NELL1: variants seen among roughly 807,000 people sequenced by gnomAD.
NELL1 encodes the protein protein kinase C-binding protein NELL1.
In NELL1, 76 loss-of-function variants were observed where a neutral mutation model predicts 107.4. That is an observed-to-expected ratio of 0.71 (90% CI 0.59 to 0.86). NELL1 has a LOEUF of 0.86. Ranked by LOEUF, NELL1 falls within the 40% of genes least tolerant of loss-of-function variation. NELL1 has a pLI of 0.00. For missense variants in NELL1, 1,024 were observed against 1,005.5 expected (o/e 1.02, Z -0.25); for synonymous variants, 353 against 341.2 (o/e 1.03, Z -0.38).
chr11:21,233,791 T>C (rs1458397793), intron 14 of NELL1, among the ~76,000 whole-genome samples: 1 of 152,234 alleles, frequency 6.6e-6, no homozygotes, highest in African/African-American at 2.4e-5. Context: ...CAGTTGTCAA[T>C]ATGCAGCTGA....
intron 3 of NELL1, among the ~76,000 whole-genome samples, chr11:20,791,430 C>A (rs1857070976): frequency 6.6e-6 from 1 of 152,218 alleles, no homozygotes; most frequent in Admixed American, 6.5e-5. Flanking sequence ...TTGCATCCTG[C>A]AACCTTGGTA....
intron 15 of NELL1, among the ~76,000 whole-genome samples, chr11:21,414,527 T>C (rs1029394953): frequency 8.7e-6 from 1 of 115,248 alleles, no homozygotes; most frequent in South Asian, 3.0e-4. Flanking sequence ...ATACGGCAAA[T>C]GGACTCTCCC....
intron 14 of NELL1, among the ~76,000 whole-genome samples, chr11:21,233,916 T>C (rs1403500645): frequency 6.6e-6 from 1 of 152,196 alleles, no homozygotes; most frequent in East Asian, 1.9e-4. Flanking sequence ...AAACATACAG[T>C]GAGTGTGAAT....
chr11:21,144,338 A>G (rs890720326), intron 13 of NELL1, among the ~76,000 whole-genome samples: 6 of 152,182 alleles, frequency 3.9e-5, no homozygotes, highest in African/African-American at 1.2e-4. Context: ...ATCTAAGGAC[A>G]GTTGCATTCT....
intron 12 of NELL1, among the ~76,000 whole-genome samples, chr11:21,028,168 C>A (rs189695856): frequency 1.3e-5 from 2 of 152,146 alleles, no homozygotes; most frequent in East Asian, 3.9e-4. Flanking sequence ...AAGAGTGTCA[C>A]CTAGCACATA....
chr11:20,735,041 C>T (rs146020638), intron 2 of NELL1, among the ~76,000 whole-genome samples: 7 of 152,164 alleles, frequency 4.6e-5, no homozygotes, highest in South Asian at 2.1e-4. Flanking sequence ...AGACTGATCC[C>T]GGGATCTCTA....
chr11:21,227,948 A>G (rs1003295603), intron 13 of NELL1, among the ~76,000 whole-genome samples: 4 of 152,224 alleles, frequency 2.6e-5, no homozygotes, highest in Non-Finnish European at 4.4e-5. Flanking sequence ...ATAAAAATAA[A>G]TGAAGATTGA....
intron 3 of NELL1, among the ~76,000 whole-genome samples, chr11:20,814,188 G>A (rs1004647250): frequency 4.6e-5 from 7 of 152,014 alleles, no homozygotes; most frequent in Non-Finnish European, 8.8e-5. Context: ...TAGAGATGGG[G>A]TTTCACCGTG....
chr11:21,124,879 G>A lies in NELL1; in HGVS notation c.1426+11165G>A, dbSNP rs7126266. 4.7e-3 allele frequency among the ~76,000 whole-genome samples: 719 copies of A among 152,172 alleles called. 2 individuals carry two copies. The highest frequency in any genetic ancestry group is 0.016 in the African/African-American group (678 of 41,520). ...GCCTCCCAAAGTGCTGGGATTACAG[G>A]GGTGAGCCACTGTGCCTGGCCAGAT... On this transcript the variant is annotated intron_variant, in intron 13 of 19. Transcript: ENST00000357134.
rs1377644221 is a variant in NELL1 at position 21,229,440 on chromosome 11, G to A, written c.1535G>A (p.Gly512Glu). ...CTCKPGYVGN[G>E]TICRAFCEEG... ...TGCAAACCGGGCTACGTGGGGAACG[G>A]GACCATCTGCAGAGGTAGGCTTGCC... Residue 512 changes from glycine (G) to glutamate (E), a missense_variant, in exon 14 of 20, where the codon GGG becomes GAG. Gly to Glu is a moderately conservative substitution (Grantham distance 98). Coordinates refer to ENST00000357134, the MANE Select transcript of NELL1 (RefSeq NM_006157.5). 6.2e-6 allele frequency: 10 copies of A among 1,613,850 alleles called. No individual in the cohort carries two copies. Among genetic ancestry groups the A allele is most frequent in the Non-Finnish European group, 7.6e-6 (9 of 1,179,854 alleles).
intron 14 of NELL1, among the ~76,000 whole-genome samples, chr11:21,323,397 A>G (rs73454931): frequency 0.012 from 1,800 of 152,288 alleles, 32 homozygotes; most frequent in African/African-American, 0.041. Flanking sequence ...GAAAGTGGTC[A>G]TTTAGCCAAA....
At chr11:20,761,891 C>G (rs4923019) in intron 2 of NELL1, among the ~76,000 whole-genome samples, 2,283 of 152,298 alleles carry the variant, frequency 0.015, 27 homozygotes, top group Admixed American at 0.023. Context: ...TTTTCCTTTT[C>G]ACATTTATTT....
At chr11:20,756,517 T>C (rs1294485987) in intron 2 of NELL1, among the ~76,000 whole-genome samples, 1 of 98,998 alleles carries the variant, frequency 1.0e-5, no homozygotes, top group South Asian at 3.2e-4. Context: ...TTTTTTGTAA[T>C]TTTTTTTTTT....
chr11:21,014,274 G>T (rs1296715022), intron 12 of NELL1, among the ~76,000 whole-genome samples: 2 of 152,040 alleles, frequency 1.3e-5, no homozygotes, highest in Non-Finnish European at 2.9e-5. Flanking sequence ...CAAGCCATGT[G>T]CCCTGCAGGT....
chr11:20,980,274 T>C (rs1487387979), intron 12 of NELL1, among the ~76,000 whole-genome samples: 1 of 152,194 alleles, frequency 6.6e-6, no homozygotes, highest in Non-Finnish European at 1.5e-5. Flanking sequence ...TATATTATTT[T>C]ATTTAATGGT....
intron 15 of NELL1, among the ~76,000 whole-genome samples, chr11:21,445,818 A>G (rs2133851687): frequency 6.6e-6 from 1 of 152,324 alleles, no homozygotes; most frequent in Admixed American, 6.5e-5. Flanking sequence ...TGCAGGATAT[A>G]CTATTCTAAG....
chr11:21,565,992 T>A (rs1856964299), intron 17 of NELL1, among the ~76,000 whole-genome samples: 1 of 151,962 alleles, frequency 6.6e-6, no homozygotes, highest in Non-Finnish European at 1.5e-5. Flanking sequence ...ATATCAGGCA[T>A]CAGCAAGGTT....
At chr11:20,804,006 T>G (rs918866406) in intron 3 of NELL1, among the ~76,000 whole-genome samples, 1 of 152,114 alleles carries the variant, frequency 6.6e-6, no homozygotes, top group Non-Finnish European at 1.5e-5. Flanking sequence ...CCTTGCTCCT[T>G]AGCCTGCAGA....
At chr11:21,119,356 T>G (rs1020526146) in intron 13 of NELL1, among the ~76,000 whole-genome samples, 1 of 148,868 alleles carries the variant, frequency 6.7e-6, no homozygotes, top group Non-Finnish European at 1.5e-5. Flanking sequence ...AAACTTTAGC[T>G]CTTACCCAAC....
Sources: allele counts gnomAD v4.1 joint callset (sites outside exome capture counted in the v4.1 genomes callset), GRCh38; gene constraint gnomAD v4.1.1; transcripts MANE v1.5; gene names NCBI Gene and HGNC (gene_info 2026-07-23, HGNC 2026-07-21).